The following DCAF8 variants were observed in gnomAD, a reference collection of about 807,000 sequenced individuals.
DCAF8 encodes DDB1 and CUL4 associated factor 8.
A neutral mutation model predicts 68.0 loss-of-function variants in DCAF8; 20 were observed. The observed-to-expected ratio is 0.29, with a 90% CI of 0.21 to 0.43. The LOEUF is 0.43. Among genes scored for constraint, DCAF8 ranks in the 20% least tolerant of loss-of-function variants. The pLI, the probability that DCAF8 is intolerant of heterozygous loss-of-function variation, is 1.00. For synonymous variants in DCAF8, 230 were observed against 276.9 expected (o/e 0.83, Z 1.68); for missense variants, 460 against 771.0 (o/e 0.60, Z 4.78).
chr1:160,231,213 T>C, intron 7 of DCAF8, 84 bp downstream of exon 7: 1 of 930,626 alleles, frequency 1.1e-6, no homozygotes, highest in South Asian at 1.6e-5. Context: ...ATAAAATTCG[T>C]AACTCTCCAT....
At chr1:160,255,974 C>T (rs1656819137) in intron 2 of DCAF8, among the ~76,000 whole-genome samples, 1 of 150,098 alleles carries the variant, frequency 6.7e-6, no homozygotes, top group South Asian at 2.1e-4. Context: ...TGCACTCTAA[C>T]CCTTAAGTGT....
intron 6 of DCAF8, among the ~76,000 whole-genome samples, chr1:160,236,561 T>C (rs1258493486): frequency 2.0e-5 from 3 of 152,122 alleles, no homozygotes; most frequent in Non-Finnish European, 1.5e-5. Context: ...ATGTAAGTCA[T>C]AACTAGTAGT....
chr1:160,233,753 G>A (rs994771418), intron 6 of DCAF8, among the ~76,000 whole-genome samples: 7 of 152,168 alleles, frequency 4.6e-5, no homozygotes, highest in African/African-American at 9.7e-5. Context: ...TAATCCTGCT[G>A]AAGAGCTCAA....
chr1:160,255,082 A>G (rs1185419991), intron 2 of DCAF8, among the ~76,000 whole-genome samples: 2 of 152,214 alleles, frequency 1.3e-5, no homozygotes, highest in Non-Finnish European at 2.9e-5. Flanking sequence ...TTTACCACTC[A>G]GCAATGATTC....
At chr1:160,222,243 T>C (rs1375701601) in intron 11 of DCAF8, among the ~76,000 whole-genome samples, 1 of 152,214 alleles carries the variant, frequency 6.6e-6, no homozygotes, top group African/African-American at 2.4e-5. Flanking sequence ...TTTTATCTGC[T>C]AATCTAAGAT....
At chr1:160,234,002 C>T (rs559987557) in intron 6 of DCAF8, among the ~76,000 whole-genome samples, 2 of 152,206 alleles carry the variant, frequency 1.3e-5, no homozygotes, top group South Asian at 4.1e-4. Flanking sequence ...ACAGATGAGA[C>T]CAAAGGATTT....
chr1:160,225,504 G>T, intron 8 of DCAF8, 87 bp downstream of exon 8: 1 of 1,048,210 alleles, frequency 9.5e-7, no homozygotes, highest in Non-Finnish European at 1.4e-6. Flanking sequence ...GAAAGTCCAA[G>T]CTCTTCCCAC....
chr1:160,256,013 T>C (rs1464171232), intron 2 of DCAF8, among the ~76,000 whole-genome samples: 6 of 38,116 alleles, frequency 1.6e-4, no homozygotes, highest in Non-Finnish European at 3.0e-4. Context: ...CTAAGCAAAC[T>C]TTTTTTTTTT....
intron 7 of DCAF8, among the ~76,000 whole-genome samples, chr1:160,229,333 G>A (rs913888807): frequency 6.6e-6 from 1 of 152,046 alleles, no homozygotes; most frequent in Admixed American, 6.6e-5. Flanking sequence ...CTTCTGCCCA[G>A]TAAATAGCCA....
chr1:160,219,154 G>A, intron 11 of DCAF8, 186 bp from the exon 12 acceptor site: 1 of 684,404 alleles, frequency 1.5e-6, no homozygotes, highest in Non-Finnish European at 2.4e-6. Context: ...ACACAGACTG[G>A]GTATAAGACC....
At chr1:160,245,797 A>G (rs1656300995) in intron 2 of DCAF8, among the ~76,000 whole-genome samples, 1 of 152,212 alleles carries the variant, frequency 6.6e-6, no homozygotes, top group Admixed American at 6.5e-5. Context: ...TATATTCTTT[A>G]GAATAGGAGC....
At chr1:160,228,013 C>T (rs1261939474) in intron 7 of DCAF8, among the ~76,000 whole-genome samples, 3 of 152,070 alleles carry the variant, frequency 2.0e-5, no homozygotes, top group African/African-American at 7.2e-5. Flanking sequence ...TCCTCTGCCT[C>T]CCAAGTAGTT....
rs548151914 is a variant in DCAF8 at position 160,262,515 on chromosome 1, C to T, written c.-167G>A. The T allele has an allele frequency of 7.8e-5, 31 of 399,368 alleles. No homozygotes were observed. Among genetic ancestry groups the T allele is most frequent in the Non-Finnish European group, 1.1e-4 (26 of 226,218 alleles). 24.7% of individuals were successfully genotyped at this position (399,368 alleles called of 1,614,324 possible). A position where few individuals can be genotyped will look rare whatever the true frequency, so the allele number is the denominator to read the frequency against. On this transcript the variant is annotated 5_prime_UTR_variant, in exon 1 of 14. Coordinates refer to ENST00000368074, the MANE Select transcript of DCAF8 (RefSeq NM_015726.4). Reference sequence around the variant, plus strand: ...GCTTGCGCCTGCGCTGCCACGCTTTCCGGCCCCGTTTGCGACGATGTGCTC... The same window carrying T: ...GCTTGCGCCTGCGCTGCCACGCTTTTCGGCCCCGTTTGCGACGATGTGCTC...
chr1:160,220,386 G>T (rs1655256564), intron 11 of DCAF8: 1 of 152,186 alleles, frequency 6.6e-6, no homozygotes, highest in Admixed American at 6.5e-5. Flanking sequence ...AAAACACAGG[G>T]GAACAATTCC....
intron 2 of DCAF8, among the ~76,000 whole-genome samples, chr1:160,250,464 CAAAAAAAAAA>C (rs386368471): frequency 1.5e-5 from 1 of 66,644 alleles, no homozygotes; most frequent in Non-Finnish European, 2.7e-5. Flanking sequence ...GAAACTGTCT[CAAAAAAAAAA>C]AAAAAAAAAA....
chr1:160,225,678 G>T lies in DCAF8; in HGVS notation c.1071-15C>A. 2 of 1,606,990 alleles carry T rather than the reference G, an allele frequency of 1.2e-6. No individual in the cohort carries two copies. Among genetic ancestry groups the T allele is most frequent in the Non-Finnish European group, 1.7e-6 (2 of 1,174,480 alleles). The stretch of plus-strand genomic sequence containing the variant: ...GGTCATAAATCCTACAGTTGGAAAA[G>T]CAATGAAAATGTAAAAATGTACAAA... On this transcript the variant is annotated splice_polypyrimidine_tract_variant and intron_variant, in intron 7 of 13. Coordinates refer to ENST00000368074, the MANE Select transcript of DCAF8 (RefSeq NM_015726.4).
At position 160,222,711 on chromosome 1, in the gene DCAF8, G is replaced by A. The variant is rs768693156; in HGVS notation, c.1380C>T (p.Phe460=). 2.5e-6 allele frequency: 4 copies of A among 1,614,150 alleles called. No individual in the cohort carries two copies. In the South Asian group the frequency reaches 4.4e-5, roughly 18 times the overall value. ...VVSGSDCGHI[F]LWEKSSCQII... is the part of the protein sequence containing the mutation. Reference sequence around the variant, plus strand: ...TCTGGCAGGATGATTTCTCCCAGAGGAAGATGTGCCCACAGTCACTACCGC... The same window carrying A: ...TCTGGCAGGATGATTTCTCCCAGAGAAAGATGTGCCCACAGTCACTACCGC... The change falls in exon 11 of 14, where the codon TTC becomes TTT. Residue 460 remains phenylalanine (F), a synonymous_variant. Coordinates refer to ENST00000368074, the MANE Select transcript of DCAF8 (RefSeq NM_015726.4).
At position 160,252,269 on chromosome 1, in the gene DCAF8, GTATC is replaced by G. The variant is rs373992466; in HGVS notation, c.-26-8239_-26-8236del. Among the ~76,000 whole-genome samples, 321 of 152,304 alleles carry G rather than the reference GTATC, an allele frequency of 2.1e-3. 3 individuals carry two copies. The highest frequency in any genetic ancestry group is 7.1e-3 in the African/African-American group (294 of 41,564). The stretch of plus-strand genomic sequence containing the variant: ...AAAATGAGTGATACAAGAGATAAAA[GTATC>G]TATCATTTTTTAAAAAGATAAATAG... On this transcript the variant is annotated intron_variant, in intron 2 of 13. Transcript: ENST00000368074.
chr1:160,253,280 C>T (rs977906076), intron 2 of DCAF8, among the ~76,000 whole-genome samples: 11 of 152,122 alleles, frequency 7.2e-5, no homozygotes, highest in African/African-American at 2.4e-5. Flanking sequence ...GCTGGAGGAT[C>T]GCTTGAGTCC....
Sources: gnomAD v4.1 joint callset for allele counts (sites outside exome capture counted in the v4.1 genomes callset) on GRCh38, gnomAD v4.1.1 for gene constraint, MANE v1.5 for transcripts, NCBI Gene and HGNC (gene_info 2026-07-23, HGNC 2026-07-21) for gene names.